The following TC2N variants were observed in gnomAD, a reference collection of about 807,000 sequenced individuals.
The protein encoded by TC2N is tandem C2 domains nuclear protein.
TC2N carries 51 observed loss-of-function variants against 61.9 expected under a neutral mutation model. The observed-to-expected ratio is 0.82, with a 90% CI of 0.66 to 1.04. TC2N has a LOEUF of 1.04. TC2N is among the 50% of genes least tolerant of loss of function. TC2N has a pLI of 0.00. For missense variants in TC2N, 556 were observed against 566.7 expected, an observed-to-expected ratio of 0.98 and a Z score of 0.19; for synonymous variants, 204 against 192.6, an observed-to-expected ratio of 1.06 and a Z score of -0.49.
At chr14:91,803,743 A>C (rs1275053759) in intron 3 of TC2N, among the ~76,000 whole-genome samples, 1 of 152,234 alleles carries the variant, frequency 6.6e-6, no homozygotes, top group African/African-American at 2.4e-5. Context: ...GGCATGAACC[A>C]CCACGACCAG....
rs1566758524 is a variant in TC2N, at chr14:91,785,200, T to C, written c.1324A>G (p.Ser442Gly). 1 of 1,613,732 alleles carries C rather than the reference T, an allele frequency of 6.2e-7. No individual in the cohort carries two copies. The highest frequency in any genetic ancestry group is 8.5e-7 in the Non-Finnish European group (1 of 1,179,766). The change falls in exon 11 of 12, where the codon AGT (serine) becomes GGT (glycine). Residue 442 changes from serine (S) to glycine (G), a missense_variant. Coordinates refer to ENST00000435962, the MANE Select transcript of TC2N (RefSeq NM_001128596.3). ...TGTTTTCTTCTTACAGAGCTTCGACTGTAAAGCTTAATGAGAAAAACAATT... is the reference window on the plus strand; with the variant it reads ...TGTTTTCTTCTTACAGAGCTTCGACCGTAAAGCTTAATGAGAAAAACAATT... ...KEIVFLIKLY[S>G]RSSVRRKHFV...
intron 8 of TC2N, among the ~76,000 whole-genome samples, chr14:91,796,523 G>A (rs570760846): frequency 1.3e-5 from 2 of 152,110 alleles, no homozygotes; most frequent in Non-Finnish European, 2.9e-5. Flanking sequence ...CACTGTAGAT[G>A]TGATCAGTGA....
In TC2N at chr14:91,780,217, G is replaced by C. The variant is rs1206907615; in HGVS notation, c.*2883C>G. ...AATTACTGCTATGCTATCAAAAGCT[G>C]ACATTTATTACAAATTTCTGAAATC... is the stretch of plus-strand genomic sequence containing the variant. On this transcript the variant is annotated 3_prime_UTR_variant, in exon 12 of 12. Transcript: ENST00000435962. The C allele has an allele frequency of 2.0e-5, 3 of 152,130 alleles. No homozygotes were observed. The highest frequency in any genetic ancestry group is 4.4e-5 in the Non-Finnish European group (3 of 68,028). The allele number at this position is 152,130 out of a possible 1,614,324, so 9.4% of individuals were successfully genotyped here. A position where few individuals can be genotyped will look rare whatever the true frequency, so the allele number is the denominator to read the frequency against.
intron 1 of TC2N, among the ~76,000 whole-genome samples, chr14:91,845,737 T>G (rs977855385): frequency 6.6e-6 from 1 of 152,212 alleles, no homozygotes; most frequent in Non-Finnish European, 1.5e-5. Context: ...CAGCCTCGCA[T>G]TCCATGAAGA....
intron 8 of TC2N, among the ~76,000 whole-genome samples, chr14:91,796,719 A>G (rs1459163730): frequency 6.6e-6 from 1 of 152,144 alleles, no homozygotes; most frequent in Non-Finnish European, 1.5e-5. Flanking sequence ...GAAGAGAGGC[A>G]TAGAACAGAT....
At chr14:91,820,296 C>T (rs1391714257) in intron 1 of TC2N, among the ~76,000 whole-genome samples, 1 of 151,838 alleles carries the variant, frequency 6.6e-6, no homozygotes, top group African/African-American at 2.4e-5. Flanking sequence ...AAGATTTATC[C>T]CAGGATTGCA....
intron 3 of TC2N, among the ~76,000 whole-genome samples, chr14:91,802,749 G>T (rs943065515): frequency 1.3e-5 from 2 of 151,068 alleles, no homozygotes; most frequent in African/African-American, 2.5e-5. Flanking sequence ...AAGATTGGGG[G>T]GGGAGATACA....
chr14:91,827,453 C>T (rs1426985785), intron 1 of TC2N, among the ~76,000 whole-genome samples: 1 of 152,192 alleles, frequency 6.6e-6, no homozygotes, highest in Non-Finnish European at 1.5e-5. Flanking sequence ...CCTTCCTCCA[C>T]TTCAAAGCCA....
chr14:91,786,579 G>A (rs888308439), intron 10 of TC2N, among the ~76,000 whole-genome samples: 2 of 151,964 alleles, frequency 1.3e-5, no homozygotes, highest in Admixed American at 6.6e-5. Context: ...CTCTTCTTAA[G>A]ATTCTACTTT....
At chr14:91,850,859 A>C (rs958848601) in intron 1 of TC2N, among the ~76,000 whole-genome samples, 2 of 152,142 alleles carry the variant, frequency 1.3e-5, no homozygotes, top group African/African-American at 2.4e-5. Context: ...TGAATTCAGG[A>C]GGCGGAGGTT....
chr14:91,846,454 C>A (rs1231466377), intron 1 of TC2N, among the ~76,000 whole-genome samples: 2 of 152,014 alleles, frequency 1.3e-5, no homozygotes, highest in Non-Finnish European at 2.9e-5. Context: ...GACAAGTCCT[C>A]GGCTGCACTG....
At chr14:91,851,064 TTATC>T (rs1409132319) in intron 1 of TC2N, among the ~76,000 whole-genome samples, 18 of 152,160 alleles carry the variant, frequency 1.2e-4, no homozygotes, top group African/African-American at 4.3e-4. Flanking sequence ...AGATGTATAA[TTATC>T]TAATTATATA....
chr14:91,844,759 T>C (rs1888235194), intron 1 of TC2N, among the ~76,000 whole-genome samples: 2 of 29,542 alleles, frequency 6.8e-5, no homozygotes, highest in Non-Finnish European at 1.1e-4. Flanking sequence ...AGACTCTGTC[T>C]CAAAAAAAAA....
chr14:91,820,858 C>G (rs975957484), intron 1 of TC2N, among the ~76,000 whole-genome samples: 1 of 151,860 alleles, frequency 6.6e-6, no homozygotes, highest in Admixed American at 6.6e-5. Context: ...TTCATAATAA[C>G]ATTTTTAAAA....
chr14:91,861,149 AC>A (rs1279029706), intron 1 of TC2N, among the ~76,000 whole-genome samples: 2 of 152,228 alleles, frequency 1.3e-5, no homozygotes, highest in Non-Finnish European at 2.9e-5. Context: ...GACAAGGGGT[AC>A]TGGAATGAAG....
At chr14:91,819,011 G>T (rs1395751862) in intron 1 of TC2N, among the ~76,000 whole-genome samples, 1 of 151,958 alleles carries the variant, frequency 6.6e-6, no homozygotes, top group Admixed American at 6.6e-5. Flanking sequence ...ACAAACCACA[G>T]ATCTAAGAAC....
intron 7 of TC2N, 49 bp downstream of exon 7, chr14:91,798,250 T>C: frequency 9.7e-7 from 1 of 1,026,278 alleles, no homozygotes; most frequent in East Asian, 2.5e-5. Flanking sequence ...TTACAATGTC[T>C]AAATATTCAA....
intron 3 of TC2N, among the ~76,000 whole-genome samples, chr14:91,803,606 C>T (rs1886368404): frequency 1.3e-5 from 2 of 151,950 alleles, no homozygotes; most frequent in South Asian, 4.2e-4. Context: ...GCACACGCCA[C>T]CACGCCAGCT....
In TC2N at chr14:91,841,515, G is replaced by C. The variant is rs117546695; in HGVS notation, c.-57+25747C>G. On this transcript the variant is annotated intron_variant, in intron 1 of 11. Coordinates refer to ENST00000435962, the MANE Select transcript of TC2N (RefSeq NM_001128596.3). ...CTACACGTGGTGGCAGACACACACA[G>C]AGATTCTGGGAGGTTCTTGCTCATC... 9.8e-3 allele frequency among the ~76,000 whole-genome samples: 1,491 copies of C among 152,324 alleles called. 12 individuals carry two copies. Among genetic ancestry groups the C allele is most frequent in the Non-Finnish European group, 0.015 (1,039 of 68,028 alleles).
Sources: gnomAD v4.1 joint callset for allele counts (sites outside exome capture counted in the v4.1 genomes callset) on GRCh38, gnomAD v4.1.1 for gene constraint, MANE v1.5 for transcripts, NCBI Gene and HGNC (gene_info 2026-07-23, HGNC 2026-07-21) for gene names.